Variants in SYNE2 observed in about 807,000 individuals in gnomAD.
The protein encoded by SYNE2 is nesprin-2.
A neutral mutation model predicts 856.3 loss-of-function variants in SYNE2; 431 were observed. That is an observed-to-expected ratio of 0.50 (90% CI 0.47 to 0.55). SYNE2 has a LOEUF of 0.55. Among genes scored for constraint, SYNE2 ranks in the 20% least tolerant of loss-of-function variants. SYNE2 has a pLI of 0.00. For synonymous variants in SYNE2, 2,923 were observed against 2,872.3 expected, an observed-to-expected ratio of 1.02 and a Z score of -0.56; for missense variants, 8,129 against 8,023.2, an observed-to-expected ratio of 1.01 and a Z score of -0.50.
chr14:64,148,734 A>C (rs2098211534), intron 84 of SYNE2, among the ~76,000 whole-genome samples: 1 of 152,072 alleles, frequency 6.6e-6, no homozygotes, highest in Non-Finnish European at 1.5e-5. Context: ...GCCAAGATGG[A>C]AGCAAATAAA....
intron 1 of SYNE2, among the ~76,000 whole-genome samples, chr14:63,836,112 C>T (rs1204068063): frequency 6.6e-6 from 1 of 152,136 alleles, no homozygotes; most frequent in East Asian, 1.9e-4. Flanking sequence ...GCCTCGACTT[C>T]CTTGGCTCAG....
intron 94 of SYNE2, among the ~76,000 whole-genome samples, chr14:64,171,000 G>A (rs1457999484): frequency 1.3e-5 from 2 of 152,096 alleles, no homozygotes; most frequent in East Asian, 1.9e-4. Flanking sequence ...AAATGCTTGA[G>A]GGGATGGAAA....
intron 2 of SYNE2, among the ~76,000 whole-genome samples, chr14:63,918,271 T>G (rs2095555710): frequency 6.6e-6 from 1 of 152,248 alleles, no homozygotes; most frequent in East Asian, 1.9e-4. Context: ...TTTAACACTC[T>G]GAATTGGAGG....
At chr14:64,222,592 G>C (rs2098699624) in intron 112 of SYNE2, among the ~76,000 whole-genome samples, 1 of 152,166 alleles carries the variant, frequency 6.6e-6, no homozygotes, top group Non-Finnish European at 1.5e-5. Context: ...TGGGCATGGT[G>C]GCAGGCGCCT....
At chr14:63,944,824 C>CTTT (rs55906748) in intron 6 of SYNE2, among the ~76,000 whole-genome samples, 577 of 46,944 alleles carry the variant, frequency 0.012, 81 homozygotes, top group African/African-American at 0.035. Context: ...GGGCTTAAAG[C>CTTT]TTTTTTTTTT....
At chr14:63,879,842 G>T (rs1197651244) in intron 1 of SYNE2, among the ~76,000 whole-genome samples, 1 of 152,202 alleles carries the variant, frequency 6.6e-6, no homozygotes, top group Non-Finnish European at 1.5e-5. Context: ...ATGAGCCAAG[G>T]TTATAGTGGG....
chr14:64,051,561 C>T lies in SYNE2; in HGVS notation c.7648C>T (p.Pro2550Ser), dbSNP rs779380382. Residue 2550 changes from proline (P) to serine (S), a missense_variant, in exon 48 of 116, where the codon CCA becomes TCA. Physicochemically the swap from Pro to Ser is moderately conservative, Grantham distance 74. Transcript: ENST00000555002. ...CTATTTTTATTCTTTTTCTAGAGGA[C>T]CACTGGACAGTGTAACGTATCTGGA... is the stretch of plus-strand genomic sequence containing the variant. ...LTDKESLKVG[P>S]LDSVTYLDKI... The T allele has an allele frequency of 1.2e-6, 2 of 1,612,284 alleles. No individual in the cohort carries two copies. The highest frequency in any genetic ancestry group is 1.7e-6 in the Non-Finnish European group (2 of 1,179,284).
intron 2 of SYNE2, among the ~76,000 whole-genome samples, chr14:63,921,020 C>A (rs918930139): frequency 2.0e-5 from 3 of 152,048 alleles, no homozygotes; most frequent in African/African-American, 7.2e-5. Context: ...GAGGCCGAGA[C>A]AGGAGAATAG....
At chr14:64,215,187 T>C (rs570923010) in intron 106 of SYNE2, 99 bp from the exon 107 acceptor site, 1 of 1,159,144 alleles carries the variant, frequency 8.6e-7, no homozygotes, top group African/African-American at 1.5e-5. Flanking sequence ...TAAAGGGTAG[T>C]TTTCTCCTTC....
chr14:63,814,671 TATATATCC>T (rs1304451943), intron 1 of SYNE2, among the ~76,000 whole-genome samples: 14 of 71,136 alleles, frequency 2.0e-4, no homozygotes, highest in Admixed American at 1.4e-3. Context: ...TATATATCCA[TATATATCC>T]ATATATATCC....
intron 49 of SYNE2, among the ~76,000 whole-genome samples, chr14:64,061,352 T>G (rs1269194886): frequency 6.6e-6 from 1 of 152,234 alleles, no homozygotes; most frequent in Non-Finnish European, 1.5e-5. Context: ...CAGTGCTACT[T>G]GGGAAAATTT....
At position 64,081,434 on chromosome 14, in the gene SYNE2, CT is replaced by C. The variant is rs1255462000; in HGVS notation, c.11347-6del. 2 of 1,614,148 alleles carry C rather than the reference CT, an allele frequency of 1.2e-6. No individual in the cohort carries two copies. The highest frequency in any genetic ancestry group is 1.7e-6 in the Non-Finnish European group (2 of 1,180,026). On this transcript the variant is annotated splice_region_variant and splice_polypyrimidine_tract_variant and intron_variant, in intron 56 of 115. Coordinates refer to ENST00000555002, the MANE Select transcript of SYNE2 (RefSeq NM_182914.3). ...TCTGACTAAGTTTGGTCCTGCATCT[CT>C]TTCCCAGGCCACAGTTAAGATGGAG...
At chr14:64,060,372 G>T (rs536224477) in intron 49 of SYNE2, among the ~76,000 whole-genome samples, 1 of 151,568 alleles carries the variant, frequency 6.6e-6, no homozygotes, top group Admixed American at 6.6e-5. Flanking sequence ...AATGAATCCT[G>T]CCAGGGCTGG....
chr14:64,119,577 A>T lies in SYNE2; in HGVS notation c.12991A>T (p.Met4331Leu), dbSNP rs144392904. Reference sequence around the variant, plus strand: ...GAAGTGCAATTTAGAAAAAGTCCAGATGATGCTTCAGGAGAAGCACAGTGA... The same window carrying T: ...GAAGTGCAATTTAGAAAAAGTCCAGTTGATGCTTCAGGAGAAGCACAGTGA... ...TVKCNLEKVQ[M>L]MLQEKHSEDQ... The change falls in exon 67 of 116, where the codon ATG becomes TTG. Residue 4331 changes from methionine (M) to leucine (L), a missense_variant. By Grantham distance (15) the Met-to-Leu change is conservative (BLOSUM62 2). Around this residue, in one of 3 missense-constraint regions of SYNE2, gnomAD observed 5,410 missense variants for 5,284.8 expected, o/e 1.02. Transcript: ENST00000555002. 101 of 1,614,076 alleles carry T rather than the reference A, an allele frequency of 6.3e-5. No homozygotes were observed. The highest frequency in any genetic ancestry group is 8.2e-5 in the Non-Finnish European group (97 of 1,180,034).
chr14:63,946,360 T>G (rs559169944), intron 6 of SYNE2, among the ~76,000 whole-genome samples: 93 of 151,774 alleles, frequency 6.1e-4, no homozygotes, highest in African/African-American at 2.0e-3. Context: ...TCTGGGAGGT[T>G]GAGACTGCAG....
intron 1 of SYNE2, among the ~76,000 whole-genome samples, chr14:63,841,540 G>A (rs1020968886): frequency 3.9e-5 from 6 of 152,150 alleles, no homozygotes; most frequent in African/African-American, 1.4e-4. Flanking sequence ...GTTCTTGTAA[G>A]GTTATATGTA....
At chr14:64,209,870 G>T in intron 102 of SYNE2, 72 bp from the exon 103 acceptor site, 1 of 1,602,084 alleles carries the variant, frequency 6.2e-7, no homozygotes, top group Non-Finnish European at 8.5e-7. Flanking sequence ...CAGGTCGCTT[G>T]GGATGTAGAA....
At position 64,189,291 on chromosome 14, in the gene SYNE2, G is replaced by A. The variant is rs549256073; in HGVS notation, c.17871+583G>A. On this transcript the variant is annotated intron_variant, in intron 98 of 115. Coordinates refer to ENST00000555002, the MANE Select transcript of SYNE2 (RefSeq NM_182914.3). ...GGAGGTTGCAGTGAGCCGAGATGGT[G>A]CCATTGCACACCAGCCTGGGCAACA... is the stretch of plus-strand genomic sequence containing the variant. Among the ~76,000 whole-genome samples, 7 of 151,330 alleles carry A rather than the reference G, an allele frequency of 4.6e-5. No individual in the cohort carries two copies. In the South Asian group the frequency reaches 1.5e-3, roughly 32 times the overall value.
In SYNE2 at chr14:64,218,480, G is replaced by A. The variant is rs772447674; in HGVS notation, c.19625G>A (p.Gly6542Glu). The A allele has an allele frequency of 9.3e-6, 15 of 1,614,012 alleles. No homozygotes were observed. The highest frequency in any genetic ancestry group is 6.7e-5 in the Admixed American group (4 of 60,012). Residue 6542 changes from glycine (G) to glutamate (E), a missense_variant, in exon 109 of 116, where the codon GGG becomes GAG. Physicochemically the swap from Gly to Glu is moderately conservative, Grantham distance 98. Coordinates refer to ENST00000555002, the MANE Select transcript of SYNE2 (RefSeq NM_182914.3). ...AATGGCAACCCACAGCAGGAAGACGGGGGACTGGCCGGTATCACAGAGCAG... is the reference window on the plus strand; with the variant it reads ...AATGGCAACCCACAGCAGGAAGACGAGGGACTGGCCGGTATCACAGAGCAG... ...VLNGNPQQED[G>E]GLAGITEQQS...
Sources: gnomAD v4.1 joint callset for allele counts (sites outside exome capture counted in the v4.1 genomes callset) on GRCh38, gnomAD v4.1.1 for gene constraint, gnomAD v4.1.1 regional missense constraint, MANE v1.5 for transcripts, NCBI Gene and HGNC (gene_info 2026-07-23, HGNC 2026-07-21) for gene names.